The following XAGE3 variants were observed in gnomAD, a reference collection of about 807,000 sequenced individuals.
XAGE3 encodes X antigen family member 3.
XAGE3 carries 6 observed loss-of-function variants against 9.2 expected under a neutral mutation model. The observed-to-expected ratio is 0.65, with a 90% confidence interval of 0.36 to 1.29. The LOEUF (loss-of-function observed/expected upper bound fraction) is 1.29, where lower values mean the gene tolerates loss of function less well. Among genes scored for constraint, XAGE3 ranks in the 50% most tolerant of loss-of-function variants. XAGE3 has a pLI of 0.03. For missense variants in XAGE3, 70 were observed against 82.8 expected (o/e 0.85, Z 0.60); for synonymous variants, 26 against 28.2 (o/e 0.92, Z 0.25).
rs1927760992 is a variant in XAGE3, at chrX:52,862,542, C to A, written c.*76G>T. On this transcript the variant is annotated 3_prime_UTR_variant, in exon 5 of 5. Coordinates refer to ENST00000346279, the MANE Select transcript of XAGE3 (RefSeq NM_133179.3). Reference sequence around the variant, plus strand: ...TGCAAGACTTCTTTGGAGAAAGCTGCAAAAGTTTATTTCGATATTTTTAAG... The same window carrying A: ...TGCAAGACTTCTTTGGAGAAAGCTGAAAAAGTTTATTTCGATATTTTTAAG... 7 of 1,162,864 alleles carry A rather than the reference C, an allele frequency of 6.0e-6. No homozygotes were observed. Among genetic ancestry groups the A allele is most frequent in the Non-Finnish European group, 8.1e-6 (7 of 859,551 alleles).
intron 1 of XAGE3, chrX:52,867,392 A>G (rs1927918675): frequency 3.1e-6 from 1 of 319,174 alleles, no homozygotes; most frequent in Non-Finnish European, 5.5e-6. Flanking sequence ...TGGTTTCACA[A>G]CTGAACTCTC....
In XAGE3 at chrX:52,866,550, GGTGTGT is replaced by G. The variant is rs5902508; in HGVS notation, c.82-18_82-13del. ...TCATCACCGGGCTCCTGGAACCAGG[GGTGTGT>G]GTGTGTGTGTGTGTGTGTGCAGATA... On this transcript the variant is annotated splice_polypyrimidine_tract_variant and intron_variant, in intron 2 of 4. Coordinates refer to ENST00000346279, the MANE Select transcript of XAGE3 (RefSeq NM_133179.3). 422 of 1,146,073 alleles carry G rather than the reference GGTGTGT, an allele frequency of 3.7e-4. No homozygotes were observed. Among genetic ancestry groups the G allele is most frequent in the Non-Finnish European group, 4.8e-4 (406 of 849,812 alleles). 94.4% of individuals were successfully genotyped at this position (1,146,073 alleles called of 1,213,427 possible).
intron 3 of XAGE3, among the ~76,000 whole-genome samples, chrX:52,865,940 T>C (rs782489588): frequency 8.9e-6 from 1 of 111,925 alleles, no homozygotes; most frequent in East Asian, 2.8e-4. Context: ...TCTCCATGAC[T>C]CAACTGTTCT....
At chrX:52,867,448 C>T in intron 1 of XAGE3, 1 of 233,829 alleles carries the variant, frequency 4.3e-6, no homozygotes. Context: ...ATTAAAACTG[C>T]AGTGACCACG....
intron 4 of XAGE3, among the ~76,000 whole-genome samples, chrX:52,863,675 T>C (rs1927814845): frequency 8.9e-6 from 1 of 112,110 alleles, no homozygotes; most frequent in Non-Finnish European, 1.9e-5. Context: ...ATATTCAGTA[T>C]CTGTTAGGGT....
Position 52,866,969 on chromosome X carries a change from A to T in XAGE3, c.81+84T>A, listed in dbSNP as rs1280071096. 58 of 972,849 alleles carry T rather than the reference A, an allele frequency of 6.0e-5. 1 individual carries two copies. The highest frequency in any genetic ancestry group is 8.2e-5 in the Non-Finnish European group (56 of 679,950). 80.2% of individuals were successfully genotyped at this position (972,849 alleles called of 1,213,427 possible). ...GTATATCTATACTGGTTCAACAACA[A>T]TTACAAAACATAGTTTTGCAACAAC... On this transcript the variant is annotated intron_variant, in intron 2 of 4. Coordinates refer to ENST00000346279, the MANE Select transcript of XAGE3 (RefSeq NM_133179.3).
intron 1 of XAGE3, among the ~76,000 whole-genome samples, chrX:52,867,648 C>T (rs1927926707): frequency 9.0e-6 from 1 of 110,572 alleles, no homozygotes; most frequent in African/African-American, 3.3e-5. Flanking sequence ...CAACCCGCAG[C>T]GTTCCCAGTT....
At position 52,862,743 on chromosome X, in the gene XAGE3, A is replaced by C. The variant is rs913554777; in HGVS notation, c.314-103T>G. 12 of 1,024,432 alleles carry C rather than the reference A, an allele frequency of 1.2e-5. No homozygotes were observed. In the African/African-American group the frequency reaches 2.3e-4, roughly 20 times the overall value. 84.4% of individuals were successfully genotyped at this position (1,024,432 alleles called of 1,213,427 possible). ...CCAAAGTTTTGGTTTTATACCGTGG[A>C]TTAAACCAGAAGCCTAAGAGTAACC... On this transcript the variant is annotated intron_variant, in intron 4 of 4. Coordinates refer to ENST00000346279, the MANE Select transcript of XAGE3 (RefSeq NM_133179.3).
intron 4 of XAGE3, among the ~76,000 whole-genome samples, chrX:52,863,305 C>G (rs1361073463): frequency 8.9e-6 from 1 of 111,859 alleles, no homozygotes; most frequent in Admixed American, 9.5e-5. Context: ...AAAGTATTCC[C>G]ATTGGTAAAA....
Position 52,862,612 on chromosome X carries a change from C to G in XAGE3, c.*6G>C, listed in dbSNP as rs782299153. Reference sequence around the variant, plus strand: ...ACAGTTTTGTGTTGTTTCAGCTTGTCTTCATTTAAACCTGTGGTTGCCTGT... The same window carrying G: ...ACAGTTTTGTGTTGTTTCAGCTTGTGTTCATTTAAACCTGTGGTTGCCTGT... On this transcript the variant is annotated 3_prime_UTR_variant, in exon 5 of 5. Transcript: ENST00000346279. The G allele has an allele frequency of 4.0e-5, 49 of 1,210,288 alleles. No individual in the cohort carries two copies. Among genetic ancestry groups the G allele is most frequent in the Non-Finnish European group, 5.5e-5 (49 of 894,739 alleles).
chrX:52,866,307 C>G, intron 3 of XAGE3, 126 bp downstream of exon 3: 4 of 720,156 alleles, frequency 5.6e-6, no homozygotes, highest in Non-Finnish European at 8.7e-6. Flanking sequence ...AGCCAACTCT[C>G]AGCAAATGTT....
Position 52,862,531 on chromosome X carries a change from G to T in XAGE3, c.*87C>A. ...AACAAAAAATGTGCAAGACTTCTTT[G>T]GAGAAAGCTGCAAAAGTTTATTTCG... On this transcript the variant is annotated 3_prime_UTR_variant, in exon 5 of 5. Coordinates refer to ENST00000346279, the MANE Select transcript of XAGE3 (RefSeq NM_133179.3). 1 of 1,114,480 alleles carries T rather than the reference G, an allele frequency of 9.0e-7. No homozygotes were observed. Among genetic ancestry groups the T allele is most frequent in the Non-Finnish European group, 1.2e-6 (1 of 819,751 alleles). 91.8% of individuals were successfully genotyped at this position (1,114,480 alleles called of 1,213,427 possible). A position where few individuals can be genotyped will look rare whatever the true frequency, so the allele number is the denominator to read the frequency against.
chrX:52,866,355 T>C, intron 3 of XAGE3, 78 bp downstream of exon 3: 1 of 988,062 alleles, frequency 1.0e-6, no homozygotes, highest in Admixed American at 2.2e-5. Context: ...CTCCTGTTAC[T>C]GGTCATGGCA....
chrX:52,866,416 C>T lies in XAGE3; in HGVS notation c.187+17G>A, dbSNP rs782364526. 4 of 1,204,205 alleles carry T rather than the reference C, an allele frequency of 3.3e-6. No individual in the cohort carries two copies. The East Asian group carries it at 8.9e-5, about 27-fold the overall frequency. On this transcript the variant is annotated intron_variant, in intron 3 of 4. Coordinates refer to ENST00000346279, the MANE Select transcript of XAGE3 (RefSeq NM_133179.3). ...CCTCCCCTCCCCATAGACATTCTTT[C>T]TTTCCCTTCCCAGCACCTTGAGTCT...
chrX:52,863,364 A>T (rs1376123193), intron 4 of XAGE3, among the ~76,000 whole-genome samples: 1 of 112,295 alleles, frequency 8.9e-6, no homozygotes, highest in East Asian at 2.8e-4. Context: ...TATTTTTGAC[A>T]TCAAAATGAG....
intron 4 of XAGE3, among the ~76,000 whole-genome samples, chrX:52,862,887 TCTAA>T (rs1556783929): frequency 8.7e-6 from 1 of 114,565 alleles, no homozygotes; most frequent in Non-Finnish European, 1.9e-5. Context: ...CCAAAAACTG[TCTAA>T]CTTCAGAGCA....
intron 1 of XAGE3, among the ~76,000 whole-genome samples, chrX:52,867,628 C>A (rs1556784623): frequency 9.0e-6 from 1 of 110,564 alleles, no homozygotes; most frequent in Admixed American, 9.7e-5. Flanking sequence ...GACCTCAGGG[C>A]CACAGTCACC....
intron 2 of XAGE3, 96 bp downstream of exon 2, chrX:52,866,957 G>A (rs1556784530): frequency 1.5e-5 from 13 of 873,468 alleles, no homozygotes; most frequent in Non-Finnish European, 2.0e-5. Flanking sequence ...TATCTATACT[G>A]GTTCAACAAC....
intron 4 of XAGE3, among the ~76,000 whole-genome samples, chrX:52,863,247 C>T (rs1215142889): frequency 1.1e-4 from 12 of 112,128 alleles, no homozygotes; most frequent in Admixed American, 4.7e-4. Flanking sequence ...CCAAGATTTT[C>T]ACCTATCATC....
Sources: gnomAD v4.1 joint callset for allele counts (sites outside exome capture counted in the v4.1 genomes callset) on GRCh38, gnomAD v4.1.1 for gene constraint, MANE v1.5 for transcripts, NCBI Gene and HGNC (gene_info 2026-07-23, HGNC 2026-07-21) for gene names.